The following ERC2 variants were observed in gnomAD, a reference collection of about 807,000 sequenced individuals.
ERC2 encodes the protein ELKS/RAB6-interacting/CAST family member 2, also known as ERC protein 2.
A neutral mutation model predicts 114.8 loss-of-function variants in ERC2; 42 were observed. The observed-to-expected ratio is 0.37, with a 90% confidence interval of 0.29 to 0.47. The LOEUF (loss-of-function observed/expected upper bound fraction) is 0.47. ERC2 is among the 20% of genes least tolerant of loss of function. ERC2 has a pLI of 0.99. For synonymous variants in ERC2, 454 were observed against 425.5 expected (o/e 1.07, Z -0.82); for missense variants, 939 against 1,150.7 (o/e 0.82, Z 2.66).
chr3:56,085,679 C>A (rs987273596), intron 6 of ERC2, among the ~76,000 whole-genome samples: 4 of 152,114 alleles, frequency 2.6e-5, no homozygotes, highest in African/African-American at 9.7e-5. Flanking sequence ...TTCATTATAT[C>A]TGGTGAAAAA....
chr3:56,423,359 T>C (rs1349114480), intron 2 of ERC2, among the ~76,000 whole-genome samples: 2 of 152,244 alleles, frequency 1.3e-5, no homozygotes, highest in Non-Finnish European at 2.9e-5. Context: ...CTAGACAACG[T>C]CAGGGGCTGT....
At chr3:56,454,006 A>C (rs1386964912) in intron 1 of ERC2, among the ~76,000 whole-genome samples, 1 of 152,148 alleles carries the variant, frequency 6.6e-6, no homozygotes. Flanking sequence ...AAGGCAACAC[A>C]TGCACCCACC....
chr3:55,696,904 G>T (rs1336648078), intron 16 of ERC2, among the ~76,000 whole-genome samples: 2 of 152,178 alleles, frequency 1.3e-5, no homozygotes, highest in Non-Finnish European at 1.5e-5. Context: ...TAGCAAAGGA[G>T]CCTTACTGAC....
At chr3:56,221,149 TTTGAAAA>T (rs373463414) in intron 3 of ERC2, among the ~76,000 whole-genome samples, 2 of 152,038 alleles carry the variant, frequency 1.3e-5, no homozygotes, top group Admixed American at 1.3e-4. Flanking sequence ...TATAATCTAA[TTTGAAAA>T]TTGAAAATTT....
chr3:55,956,148 C>A (rs1274136938), intron 12 of ERC2, among the ~76,000 whole-genome samples: 1 of 152,192 alleles, frequency 6.6e-6, no homozygotes, highest in African/African-American at 2.4e-5. Flanking sequence ...TTCAGAACAG[C>A]AAGTATTCCA....
chr3:56,175,738 T>C (rs1426612149), intron 3 of ERC2, among the ~76,000 whole-genome samples: 1 of 152,218 alleles, frequency 6.6e-6, no homozygotes, highest in African/African-American at 2.4e-5. Context: ...ACCCCCATTG[T>C]ATGGTATTTT....
intron 1 of ERC2, among the ~76,000 whole-genome samples, chr3:56,449,342 T>C (rs1482047437): frequency 2.0e-5 from 3 of 152,140 alleles, no homozygotes; most frequent in Non-Finnish European, 4.4e-5. Flanking sequence ...AGGCTCCAGG[T>C]GGGCACCTGC....
intron 17 of ERC2, among the ~76,000 whole-genome samples, chr3:55,583,006 A>G (rs1339655323): frequency 6.6e-6 from 1 of 152,228 alleles, no homozygotes; most frequent in Non-Finnish European, 1.5e-5. Flanking sequence ...GGGACTAATA[A>G]AGGTTTATTG....
intron 8 of ERC2, among the ~76,000 whole-genome samples, chr3:56,016,092 T>C (rs923676536): frequency 6.6e-6 from 1 of 152,142 alleles, no homozygotes; most frequent in Non-Finnish European, 1.5e-5. Context: ...GTTCCTTGCA[T>C]ATTCTGGATA....
chr3:55,885,107 C>T (rs2063301601), intron 14 of ERC2, among the ~76,000 whole-genome samples: 1 of 152,190 alleles, frequency 6.6e-6, no homozygotes, highest in Non-Finnish European at 1.5e-5. Context: ...TCCCTTCCCA[C>T]CAGGGTTTGG....
At chr3:55,871,859 A>C (rs1393507589) in intron 14 of ERC2, among the ~76,000 whole-genome samples, 1 of 152,178 alleles carries the variant, frequency 6.6e-6, no homozygotes, top group Non-Finnish European at 1.5e-5. Context: ...TGGGTGCCAG[A>C]GGGTTTCAAC....
At chr3:56,235,535 G>T (rs2050885756) in intron 3 of ERC2, among the ~76,000 whole-genome samples, 2 of 152,118 alleles carry the variant, frequency 1.3e-5, no homozygotes, top group South Asian at 4.2e-4. Context: ...TTGGAACTGA[G>T]TAGCAGCTGC....
chr3:55,930,013 T>C (rs924170538), intron 13 of ERC2, among the ~76,000 whole-genome samples: 1 of 152,150 alleles, frequency 6.6e-6, no homozygotes, highest in Non-Finnish European at 1.5e-5. Flanking sequence ...CCAAGGCACG[T>C]AGATCACTTG....
At chr3:56,112,869 A>G (rs17056447) in intron 6 of ERC2, among the ~76,000 whole-genome samples, 5 of 152,176 alleles carry the variant, frequency 3.3e-5, no homozygotes, top group Non-Finnish European at 7.3e-5. Context: ...TATGACTTAC[A>G]TAAGTTCAAG....
At chr3:56,036,164 T>G (rs531036980) in intron 7 of ERC2, among the ~76,000 whole-genome samples, 22 of 152,290 alleles carry the variant, frequency 1.4e-4, no homozygotes, top group African/African-American at 4.8e-4. Flanking sequence ...TATCCTTTCA[T>G]GATAAAGACT....
intron 17 of ERC2, among the ~76,000 whole-genome samples, chr3:55,613,651 A>C (rs1346078696): frequency 6.6e-6 from 1 of 152,124 alleles, no homozygotes; most frequent in Non-Finnish European, 1.5e-5. Flanking sequence ...GAAGTGAAGA[A>C]GTCGGGATAA....
At chr3:56,354,145 G>A (rs1315104183) in intron 2 of ERC2, among the ~76,000 whole-genome samples, 1 of 152,168 alleles carries the variant, frequency 6.6e-6, no homozygotes, top group Admixed American at 6.5e-5. Context: ...AAGCTACTTT[G>A]AATCCAGTAA....
chr3:56,277,748 C>A (rs2054095016), intron 3 of ERC2, among the ~76,000 whole-genome samples: 1 of 146,488 alleles, frequency 6.8e-6, no homozygotes, highest in African/African-American at 2.6e-5. Context: ...GCCAAATTAC[C>A]AAAAAAAAAA....
At chr3:55,528,762 G>C (rs1487877754) in intron 17 of ERC2, among the ~76,000 whole-genome samples, 1 of 152,130 alleles carries the variant, frequency 6.6e-6, no homozygotes, top group South Asian at 2.1e-4. Context: ...ATTCCTTGTG[G>C]GGTCTGCTCT....
Sources: gnomAD v4.1 joint callset for allele counts (sites outside exome capture counted in the v4.1 genomes callset) on GRCh38, gnomAD v4.1.1 for gene constraint, MANE v1.5 for transcripts, NCBI Gene and HGNC (gene_info 2026-07-23, HGNC 2026-07-21) for gene names.